Variants in USP9X observed in about 807,000 individuals in gnomAD.
The protein encoded by USP9X is ubiquitin specific peptidase 9 X-linked.
A neutral mutation model predicts 190.3 loss-of-function variants in USP9X; 7 were observed. That is an observed-to-expected ratio of 0.04 (90% CI 0.02 to 0.07). The LOEUF (loss-of-function observed/expected upper bound fraction) is 0.07, where lower values mean the gene tolerates loss of function less well. Ranked by LOEUF, USP9X falls within the 10% of genes least tolerant of loss-of-function variation. The probability of loss-of-function intolerance (pLI) is 1.00; values close to 1 mark genes in which losing one functional copy is unlikely to be tolerated. For synonymous variants in USP9X, 645 were observed against 659.5 expected (o/e 0.98, Z 0.34); for missense variants, 1,010 against 1,916.9 (o/e 0.53, Z 8.83).
At position 41,224,901 on chromosome X, in the gene USP9X, G is replaced by A. The variant is rs1227158025; in HGVS notation, c.6911G>A (p.Arg2304His). 4 of 1,211,896 alleles carry A rather than the reference G, an allele frequency of 3.3e-6. No individual in the cohort carries two copies. The highest frequency in any genetic ancestry group is 4.5e-6 in the Non-Finnish European group (4 of 895,509). ...TCAGAGGAAACCGTCAAATTGCTTC[G>A]TTTTTGCTGCTGGGAGAATCCTCAG... is the stretch of plus-strand genomic sequence containing the variant. The part of the protein sequence containing the change: ...SNSEETVKLL[R>H]FCCWENPQFS... The change falls in exon 40 of 45, where the codon CGT becomes CAT. Residue 2304 changes from arginine to histidine, a missense_variant. Physicochemically the swap from Arg to His is conservative, Grantham distance 29. Coordinates refer to ENST00000378308, the MANE Select transcript of USP9X (RefSeq NM_001039591.3).
At chrX:41,180,901 T>C (rs188713368) in intron 21 of USP9X, among the ~76,000 whole-genome samples, 144 of 111,325 alleles carry the variant, frequency 1.3e-3, no homozygotes, top group African/African-American at 4.6e-3. Context: ...ACACATCATC[T>C]CTATAAGGTA....
At chrX:41,191,131 C>CAGCGT (rs2062931318) in intron 26 of USP9X, among the ~76,000 whole-genome samples, 1 of 110,160 alleles carries the variant, frequency 9.1e-6, no homozygotes, top group African/African-American at 3.3e-5. Context: ...AGTTCCAGAC[C>CAGCGT]AGCGTGGCCA....
intron 1 of USP9X, among the ~76,000 whole-genome samples, chrX:41,104,959 CTA>C (rs2062059203): frequency 9.0e-6 from 1 of 111,585 alleles, no homozygotes; most frequent in Non-Finnish European, 1.9e-5. Flanking sequence ...CACTTCAAAG[CTA>C]TGTTACTTTG....
At position 41,215,258 on chromosome X, in the gene USP9X, G is replaced by A. The variant is rs187413472; in HGVS notation, c.5331+549G>A. 1.8e-4 allele frequency among the ~76,000 whole-genome samples: 20 copies of A among 112,847 alleles called. No homozygotes were observed. The East Asian group carries it at 5.2e-3, about 30-fold the overall frequency. On this transcript the variant is annotated intron_variant, in intron 34 of 44. Coordinates refer to ENST00000378308, the MANE Select transcript of USP9X (RefSeq NM_001039591.3). ...GTTCTTTGAGAGAGATGATTCACAC[G>A]CATTATAGTAATGAATAAGGTGTAT...
At chrX:41,208,123 C>T (rs1273005916) in intron 32 of USP9X, among the ~76,000 whole-genome samples, 3 of 106,070 alleles carry the variant, frequency 2.8e-5, no homozygotes, top group Non-Finnish European at 3.9e-5. Context: ...AACCTCTGCC[C>T]GCTGGGTTCA....
intron 1 of USP9X, among the ~76,000 whole-genome samples, chrX:41,087,996 TTTTG>T (rs750030781): frequency 6.7e-4 from 75 of 111,616 alleles, no homozygotes; most frequent in Non-Finnish European, 9.0e-4. Context: ...GTTCTCATGG[TTTTG>T]TTTGTTTGTT....
rs2063371132 is a variant in USP9X, at chrX:41,232,600, A to G, written c.*76A>G. ...GTCCAACCTTTTTCTGTGTCTGGCT[A>G]ATATTTAAAACTAGAAAAACTATTC... On this transcript the variant is annotated 3_prime_UTR_variant, in exon 45 of 45. Coordinates refer to ENST00000378308, the MANE Select transcript of USP9X (RefSeq NM_001039591.3). The G allele has an allele frequency of 6.4e-6, 7 of 1,099,914 alleles. No homozygotes were observed. Among genetic ancestry groups the G allele is most frequent in the African/African-American group, 1.8e-5 (1 of 54,931 alleles). 90.6% of individuals were successfully genotyped at this position (1,099,914 alleles called of 1,213,427 possible). A position where few individuals can be genotyped will look rare whatever the true frequency, so the allele number is the denominator to read the frequency against.
intron 32 of USP9X, among the ~76,000 whole-genome samples, chrX:41,206,358 A>T (rs773907556): frequency 8.9e-6 from 1 of 112,380 alleles, no homozygotes; most frequent in South Asian, 3.7e-4. Context: ...TTACCGAGTT[A>T]TCTCATAACT....
intron 1 of USP9X, among the ~76,000 whole-genome samples, chrX:41,109,015 A>G (rs1448431175): frequency 2.7e-5 from 3 of 111,489 alleles, no homozygotes; most frequent in Non-Finnish European, 1.9e-5. Context: ...AGATACCATC[A>G]ACTGGGAGCT....
At chrX:41,108,494 C>G (rs1217759529) in intron 1 of USP9X, among the ~76,000 whole-genome samples, 15 of 111,431 alleles carry the variant, frequency 1.3e-4, no homozygotes, top group African/African-American at 4.2e-4. Context: ...CTGGTTCTAT[C>G]TGGTAAGCTG....
chrX:41,104,300 G>T (rs904552924), intron 1 of USP9X, among the ~76,000 whole-genome samples: 3 of 111,770 alleles, frequency 2.7e-5, no homozygotes, highest in African/African-American at 3.3e-5. Context: ...GCAATTCCTG[G>T]GCTCAAGTGA....
At chrX:41,095,756 T>G (rs2061985712) in intron 1 of USP9X, among the ~76,000 whole-genome samples, 1 of 112,091 alleles carries the variant, frequency 8.9e-6, no homozygotes, top group South Asian at 3.7e-4. Flanking sequence ...CTTTGAAGTT[T>G]AAGTGAAAGG....
At chrX:41,226,180 T>C (rs1468029850) in intron 41 of USP9X, among the ~76,000 whole-genome samples, 2 of 112,436 alleles carry the variant, frequency 1.8e-5, no homozygotes, top group East Asian at 5.5e-4. Flanking sequence ...GGGGATCAAT[T>C]ATAATTAGTT....
chrX:41,158,559 A>G (rs953206850), intron 14 of USP9X, among the ~76,000 whole-genome samples: 8 of 111,819 alleles, frequency 7.2e-5, no homozygotes, highest in Non-Finnish European at 1.5e-4. Flanking sequence ...TTGTTGCTCT[A>G]AGACTTGGCT....
At chrX:41,229,540 T>C (rs781239418) in intron 42 of USP9X, 27 bp from the exon 43 acceptor site, 16 of 1,201,873 alleles carry the variant, frequency 1.3e-5, no homozygotes, top group African/African-American at 1.2e-4. Context: ...AATCCTCTTA[T>C]CTATATGGTT....
chrX:41,117,257 C>A (rs1289766756), intron 1 of USP9X, among the ~76,000 whole-genome samples: 1 of 111,580 alleles, frequency 9.0e-6, no homozygotes, highest in African/African-American at 3.3e-5. Flanking sequence ...TTCACACTGC[C>A]GCTTTTCCCA....
intron 33 of USP9X, among the ~76,000 whole-genome samples, chrX:41,213,680 T>C (rs1389005434): frequency 1.8e-5 from 2 of 112,163 alleles, no homozygotes; most frequent in Non-Finnish European, 3.8e-5. Context: ...ACACCTTCTT[T>C]TTATAGATGT....
At chrX:41,206,563 A>G (rs1289604025) in intron 32 of USP9X, among the ~76,000 whole-genome samples, 2 of 109,433 alleles carry the variant, frequency 1.8e-5, no homozygotes, top group East Asian at 5.8e-4. Flanking sequence ...GTCGTTTATT[A>G]TTTTCTGTTT....
chrX:41,158,201 C>CATAGT (rs1280296265), intron 14 of USP9X, among the ~76,000 whole-genome samples: 3 of 111,073 alleles, frequency 2.7e-5, no homozygotes, highest in Non-Finnish European at 5.7e-5. Flanking sequence ...CAGAAAGAGA[C>CATAGT]ATAGTCACTG....
Sources: allele counts gnomAD v4.1 joint callset (sites outside exome capture counted in the v4.1 genomes callset), GRCh38; gene constraint gnomAD v4.1.1; transcripts MANE v1.5; gene names NCBI Gene and HGNC (gene_info 2026-07-23, HGNC 2026-07-21).